EBF1: variants seen among roughly 807,000 people sequenced by gnomAD.
The protein encoded by EBF1 is EBF transcription factor 1, also known as transcription factor COE1.
A neutral mutation model predicts 68.4 loss-of-function variants in EBF1; 10 were observed. The ratio of observed to expected loss-of-function variants is 0.15; its 90% confidence interval spans 0.09 to 0.25. The LOEUF (loss-of-function observed/expected upper bound fraction) is 0.25. Ranked by LOEUF, EBF1 falls within the 10% of genes least tolerant of loss-of-function variation. EBF1 has a pLI of 1.00. For missense variants in EBF1, 509 were observed against 794.4 expected, an observed-to-expected ratio of 0.64 and a Z score of 4.32; for synonymous variants, 298 against 299.8, an observed-to-expected ratio of 0.99 and a Z score of 0.06.
At chr5:159,097,164 C>G in intron 1 of EBF1, 34 bp from the exon 2 acceptor site, 1 of 1,601,528 alleles carries the variant, frequency 6.2e-7, no homozygotes, top group Non-Finnish European at 8.5e-7. Context: ...GATGGCTAAA[C>G]CGGACGCCGA....
intron 11 of EBF1, among the ~76,000 whole-genome samples, chr5:158,727,148 C>G (rs1465326846): frequency 6.6e-6 from 1 of 152,228 alleles, no homozygotes; most frequent in African/African-American, 2.4e-5. Flanking sequence ...CTCTTGGCCT[C>G]TATGATCTTC....
At chr5:158,769,012 T>A (rs570483235) in intron 10 of EBF1, among the ~76,000 whole-genome samples, 4 of 152,288 alleles carry the variant, frequency 2.6e-5, no homozygotes, top group African/African-American at 9.6e-5. Context: ...TTCCTACTTT[T>A]ATTGTTAATA....
intron 4 of EBF1, among the ~76,000 whole-genome samples, chr5:159,090,063 T>C (rs546569899): frequency 6.6e-6 from 1 of 152,024 alleles, no homozygotes; most frequent in Non-Finnish European, 1.5e-5. Flanking sequence ...AGTTCATGAA[T>C]GCACAAAGTA....
intron 6 of EBF1, among the ~76,000 whole-genome samples, chr5:159,008,938 A>G (rs1400759928): frequency 6.6e-6 from 1 of 152,166 alleles, no homozygotes; most frequent in Non-Finnish European, 1.5e-5. Context: ...ATTCTAATTA[A>G]CATTATCTCT....
intron 6 of EBF1, among the ~76,000 whole-genome samples, chr5:159,023,972 T>G (rs994105831): frequency 4.6e-5 from 7 of 152,164 alleles, no homozygotes; most frequent in African/African-American, 1.7e-4. Flanking sequence ...TTCTTTGGAA[T>G]AAAAGTTCTT....
At chr5:159,022,208 AT>A (rs1766850295) in intron 6 of EBF1, among the ~76,000 whole-genome samples, 1 of 152,220 alleles carries the variant, frequency 6.6e-6, no homozygotes, top group Non-Finnish European at 1.5e-5. Flanking sequence ...CAAAGGATTT[AT>A]TTTGATAGTT....
chr5:159,015,942 T>C (rs896102841), intron 6 of EBF1, among the ~76,000 whole-genome samples: 4 of 152,170 alleles, frequency 2.6e-5, no homozygotes, highest in African/African-American at 9.7e-5. Flanking sequence ...CTACTAAAAT[T>C]TGAGCACCAC....
chr5:159,090,447 G>A (rs1781431585), intron 4 of EBF1, among the ~76,000 whole-genome samples: 1 of 152,058 alleles, frequency 6.6e-6, no homozygotes. Context: ...TAGCAGCTTG[G>A]CTACTGGTGA....
chr5:159,064,046 TG>T (rs1244516035), intron 6 of EBF1, among the ~76,000 whole-genome samples: 3 of 152,200 alleles, frequency 2.0e-5, no homozygotes, highest in South Asian at 2.1e-4. Flanking sequence ...GGATTACTGA[TG>T]TTTTTTTCAA....
At chr5:159,097,946 T>C (rs1782947138) in intron 1 of EBF1, among the ~76,000 whole-genome samples, 1 of 151,752 alleles carries the variant, frequency 6.6e-6, no homozygotes, top group Admixed American at 6.6e-5. Context: ...CACACACACA[T>C]AGAAGAACAC....
chr5:158,931,301 T>G (rs1413311173), intron 6 of EBF1, among the ~76,000 whole-genome samples: 3 of 152,232 alleles, frequency 2.0e-5, no homozygotes. Flanking sequence ...ATTTACTGAC[T>G]ACCCAGCCAC....
chr5:159,082,128 A>AT (rs1384501954), intron 5 of EBF1, among the ~76,000 whole-genome samples: 1 of 151,816 alleles, frequency 6.6e-6, no homozygotes, highest in Admixed American at 6.6e-5. Context: ...GGTGTTTCTC[A>AT]TTTTTTCTTT....
chr5:158,772,955 AG>A (rs1444910011), intron 10 of EBF1, among the ~76,000 whole-genome samples: 1 of 152,130 alleles, frequency 6.6e-6, no homozygotes, highest in Non-Finnish European at 1.5e-5. Context: ...ACTGTGGTTT[AG>A]AGGCATCATA....
At position 158,714,110 on chromosome 5, in the gene EBF1, C is replaced by T. The variant is rs151118528; in HGVS notation, c.1191+7G>A. ...GTCCACACAGGCTAGACACCCACAG[C>T]GCTCACCTGGTTGTTGTGTGGCATC... On this transcript the variant is annotated splice_region_variant and intron_variant, in intron 12 of 15. Coordinates refer to ENST00000313708, the MANE Select transcript of EBF1 (RefSeq NM_024007.5). 950 of 1,614,170 alleles carry T rather than the reference C, an allele frequency of 5.9e-4. 3 individuals carry two copies. In the African/African-American group the frequency reaches 0.01, roughly 18 times the overall value.
At chr5:158,773,796 C>A (rs912188611) in intron 10 of EBF1, among the ~76,000 whole-genome samples, 4 of 151,992 alleles carry the variant, frequency 2.6e-5, no homozygotes, top group Non-Finnish European at 5.9e-5. Flanking sequence ...GGAGAGATCA[C>A]GATTCGAAAA....
chr5:158,825,958 G>T (rs577421640), intron 7 of EBF1, among the ~76,000 whole-genome samples: 1 of 151,908 alleles, frequency 6.6e-6, no homozygotes, highest in East Asian at 1.9e-4. Context: ...TGCAAAAGGG[G>T]TACTGAAGTG....
At position 159,033,140 on chromosome 5, in the gene EBF1, C is replaced by T. The variant is rs183129386; in HGVS notation, c.554+40256G>A. Among the ~76,000 whole-genome samples the T allele has an allele frequency of 5.7e-3, 865 of 152,306 alleles. 10 individuals are homozygous for T. Among genetic ancestry groups the T allele is most frequent in the Non-Finnish European group, 5.1e-3 (346 of 68,028 alleles). On this transcript the variant is annotated intron_variant, in intron 6 of 15. Coordinates refer to ENST00000313708, the MANE Select transcript of EBF1 (RefSeq NM_024007.5). ...TAATGCCCAAATTCACAGGAGCAGC[C>T]GCCTGGAAGCGGGAAGTGGGGTGCA...
chr5:159,061,729 GT>G (rs59750224), intron 6 of EBF1, among the ~76,000 whole-genome samples: 8,608 of 145,270 alleles, frequency 0.059, 258 homozygotes, highest in African/African-American at 0.096. Context: ...AGATTGTTTT[GT>G]TTTTTTTTTT....
chr5:158,704,993 T>G (rs1715475341), intron 15 of EBF1, among the ~76,000 whole-genome samples: 1 of 152,224 alleles, frequency 6.6e-6, no homozygotes, highest in Non-Finnish European at 1.5e-5. Flanking sequence ...AAAACCATTT[T>G]CTTTCTTTCT....
Sources: allele counts gnomAD v4.1 joint callset (sites outside exome capture counted in the v4.1 genomes callset), GRCh38; gene constraint gnomAD v4.1.1; transcripts MANE v1.5; gene names NCBI Gene and HGNC (gene_info 2026-07-23, HGNC 2026-07-21).